ECEL1: variants seen among roughly 807,000 people sequenced by gnomAD.
The protein encoded by ECEL1 is endothelin-converting enzyme-like 1.
A neutral mutation model predicts 101.8 loss-of-function variants in ECEL1; 87 were observed. That is an observed-to-expected ratio of 0.85 (90% CI 0.72 to 1.02). The LOEUF (loss-of-function observed/expected upper bound fraction) is 1.02, where lower values mean the gene tolerates loss of function less well. Ranked by LOEUF, ECEL1 falls within the 50% of genes least tolerant of loss-of-function variation. The probability of loss-of-function intolerance (pLI) is 0.00; values close to 1 mark genes in which losing one functional copy is unlikely to be tolerated. For synonymous variants in ECEL1, 487 were observed against 468.7 expected (o/e 1.04, Z -0.50); for missense variants, 1,032 against 1,079.2 (o/e 0.96, Z 0.61).
rs969898123 is a variant in ECEL1, at chr2:232,481,993, T to C, written c.1797-144A>G. ...GGCATCCGTGCGGTCCAGGGGCACATGTGCCTCAGCTTCCTCATGCGCTAT... is the reference window on the plus strand; with the variant it reads ...GGCATCCGTGCGGTCCAGGGGCACACGTGCCTCAGCTTCCTCATGCGCTAT... On this transcript the variant is annotated intron_variant, in intron 12 of 17. Transcript: ENST00000304546. 1.1e-5 allele frequency: 11 copies of C among 1,020,628 alleles called. No homozygotes were observed. In the African/African-American group the frequency reaches 1.3e-4, roughly 12 times the overall value. 63.2% of individuals were successfully genotyped at this position (1,020,628 alleles called of 1,614,324 possible).
Position 232,480,100 on chromosome 2 carries a change from G to T in ECEL1, c.*53C>A. On this transcript the variant is annotated 3_prime_UTR_variant, in exon 18 of 18. Coordinates refer to ENST00000304546, the MANE Select transcript of ECEL1 (RefSeq NM_004826.4). ...GGGTGCATGCCTGCCCCGGTAGCCA[G>T]CAGGAGGTGATTCGTGCGGGGGCAG... 1 of 1,572,918 alleles carries T rather than the reference G, an allele frequency of 6.4e-7. No homozygotes were observed. Among genetic ancestry groups the T allele is most frequent in the Non-Finnish European group, 8.7e-7 (1 of 1,147,216 alleles).
At chr2:232,480,677 C>G in intron 16 of ECEL1, 41 bp downstream of exon 16, 1 of 1,604,476 alleles carries the variant, frequency 6.2e-7, no homozygotes, top group Non-Finnish European at 8.5e-7. Context: ...ATGCCGTGTC[C>G]CCACCCCAAG....
intron 10 of ECEL1, 34 bp downstream of exon 10, chr2:232,482,817 T>A (rs777886260): frequency 1.9e-6 from 3 of 1,610,690 alleles, no homozygotes; most frequent in East Asian, 4.5e-5. Flanking sequence ...CCCACAACCC[T>A]TCCCTGACCC....
At chr2:232,485,157 G>A in intron 3 of ECEL1, 42 bp downstream of exon 3, 1 of 1,612,574 alleles carries the variant, frequency 6.2e-7, no homozygotes, top group Non-Finnish European at 8.5e-7. Context: ...CCCCTCCTGG[G>A]GCCCCAGGCC....
At chr2:232,481,410 T>C in intron 14 of ECEL1, 96 bp downstream of exon 14, 1 of 1,516,008 alleles carries the variant, frequency 6.6e-7, no homozygotes, top group East Asian at 2.5e-5. Flanking sequence ...GCACAGGTTT[T>C]GTTTGGACAT....
rs768034566 is a variant in ECEL1, at chr2:232,484,803, G to C, written c.1057C>G (p.His353Asp). 2 of 1,613,492 alleles carry C rather than the reference G, an allele frequency of 1.2e-6. No individual in the cohort carries two copies. The highest frequency in any genetic ancestry group is 2.2e-5 in the East Asian group (1 of 44,892). The change falls in exon 5 of 18, where the codon CAC (histidine) becomes GAC (aspartate). Residue 353 changes from histidine to aspartate, a missense_variant and splice_region_variant. Physicochemically the swap from His to Asp is moderately conservative, Grantham distance 81. Transcript: ENST00000304546. ...CACGAGGACTGGGCCACACTCACGT[G>C]GGGGGTGATCTTCTGCAGCTGCCCC... ...TLGQLQKITP[H>D]LRWKWLLDQI... is the part of the protein sequence containing the mutation.
intron 16 of ECEL1, 68 bp from the exon 17 acceptor site, chr2:232,480,543 C>T (rs1037070041): frequency 6.3e-7 from 1 of 1,590,386 alleles, no homozygotes; most frequent in Non-Finnish European, 8.6e-7. Context: ...CCTTGCCCCC[C>T]ACCCAGCACA....
Position 232,486,763 on chromosome 2 carries a change from A to G in ECEL1, c.-101-9T>C. ...TGGCCCTGGGGCCGCAGCTGCGGGA[A>G]GGGCGGAAGCAGGCTCAGGAGGCGC... On this transcript the variant is annotated splice_polypyrimidine_tract_variant and intron_variant, in intron 1 of 17. Coordinates refer to ENST00000304546, the MANE Select transcript of ECEL1 (RefSeq NM_004826.4). 1 of 1,187,804 alleles carries G rather than the reference A, an allele frequency of 8.4e-7. No individual in the cohort carries two copies. The highest frequency in any genetic ancestry group is 1.1e-6 in the Non-Finnish European group (1 of 935,450). 73.6% of individuals were successfully genotyped at this position (1,187,804 alleles called of 1,614,324 possible).
At chr2:232,481,951 C>T (rs1436223538) in intron 12 of ECEL1, 102 bp from the exon 13 acceptor site, 3 of 1,529,282 alleles carry the variant, frequency 2.0e-6, no homozygotes, top group South Asian at 1.2e-5. Flanking sequence ...CAGGAGGTGG[C>T]ACAGGGAGGC....
rs200974563 is a variant in ECEL1 at position 232,482,529 on chromosome 2, C to T, written c.1744+21G>A. The T allele has an allele frequency of 1.9e-4, 300 of 1,613,982 alleles. No individual in the cohort carries two copies. The African/African-American group carries it at 3.5e-3, about 19-fold the overall frequency. ...CACTTTCGGACCCTGCCCCGCCCGGCGTAGGGACACATCCCCTTACCCATC... is the reference window on the plus strand; with the variant it reads ...CACTTTCGGACCCTGCCCCGCCCGGTGTAGGGACACATCCCCTTACCCATC... On this transcript the variant is annotated intron_variant, in intron 11 of 17. Coordinates refer to ENST00000304546, the MANE Select transcript of ECEL1 (RefSeq NM_004826.4).
chr2:232,483,886 C>T lies in ECEL1; in HGVS notation c.1407+115G>A, dbSNP rs543493244. ...GAATCGGCTGAGTACTTAGCAGGGC[C>T]TGGTCCCCCTGCCTGCAGGGGACAT... On this transcript the variant is annotated intron_variant, in intron 7 of 17. Transcript: ENST00000304546. The T allele has an allele frequency of 5.5e-4, 655 of 1,181,248 alleles. 3 individuals carry two copies. The highest frequency in any genetic ancestry group is 6.2e-4 in the Non-Finnish European group (514 of 830,842). 73.2% of individuals were successfully genotyped at this position (1,181,248 alleles called of 1,614,324 possible). A position where few individuals can be genotyped will look rare whatever the true frequency, so the allele number is the denominator to read the frequency against.
Position 232,486,594 on chromosome 2 carries a change from C to T in ECEL1, c.60G>A (p.Val20=). 1 of 1,466,798 alleles carries T rather than the reference C, an allele frequency of 6.8e-7. No homozygotes were observed. Among genetic ancestry groups the T allele is most frequent in the Non-Finnish European group, 9.0e-7 (1 of 1,115,240 alleles). The allele number at this position is 1,466,798 out of a possible 1,614,324, so 90.9% of individuals were successfully genotyped here. A position where few individuals can be genotyped will look rare whatever the true frequency, so the allele number is the denominator to read the frequency against. Residue 20 remains valine, a synonymous_variant, in exon 2 of 18, where the codon GTG becomes GTA. Coordinates refer to ENST00000304546, the MANE Select transcript of ECEL1 (RefSeq NM_004826.4). ...GCGCGCCCCCCGCGCCGCAGCGGCT[C>T]ACGTACTTGACCTCTTGGAACTCAT... The part of the protein sequence containing the change: ...HYDEFQEVKY[V]SRCGAGGARG...
intron 5 of ECEL1, 23 bp downstream of exon 5, chr2:232,484,778 C>T (rs770796255): frequency 6.2e-7 from 1 of 1,613,568 alleles, no homozygotes; most frequent in Non-Finnish European, 8.5e-7. Context: ...CCTGCCTGCC[C>T]ACGAGGACTG....
chr2:232,484,661 G>T (rs1427457544), intron 5 of ECEL1, 65 bp from the exon 6 acceptor site: 1 of 1,605,624 alleles, frequency 6.2e-7, no homozygotes, highest in East Asian at 2.2e-5. Context: ...ACAGGGAGGG[G>T]GCAGAGAGAG....
At chr2:232,483,550 C>A (rs921084727) in intron 7 of ECEL1, 36 bp from the exon 8 acceptor site, 1 of 1,561,246 alleles carries the variant, frequency 6.4e-7, no homozygotes, top group Non-Finnish European at 8.7e-7. Context: ...AGGGTCAACC[C>A]AGCAGCCTGG....
In ECEL1 at chr2:232,481,524, G is replaced by C. The variant is rs1174660801; in HGVS notation, c.1971C>G (p.Phe657Leu). 6.2e-7 allele frequency: 1 copy of C among 1,612,484 alleles called. No homozygotes were observed. Among genetic ancestry groups the C allele is most frequent in the Non-Finnish European group, 8.5e-7 (1 of 1,179,526 alleles). The change falls in exon 14 of 18, where the codon TTC becomes TTG. Residue 657 changes from phenylalanine (F) to leucine (L), a missense_variant. By Grantham distance (22) the Phe-to-Leu change is conservative (BLOSUM62 0). Transcript: ENST00000304546. ...AECIVRLYDN[F>L]TVYNQRVNGK... ...GTCTCACCCGCTGGTTGTAGACAGT[G>C]AAGTTGTCATAGAGACGGACGATGC...
Position 232,480,458 on chromosome 2 carries a change from C to T in ECEL1, c.2169G>A (p.Arg723=). The T allele has an allele frequency of 6.2e-7, 1 of 1,613,940 alleles. No homozygotes were observed. The highest frequency in any genetic ancestry group is 1.1e-5 in the South Asian group (1 of 91,078). ...IAFAQNWCIK[R]RSQSIYLQVL... is the part of the protein sequence containing the mutation. Reference sequence around the variant, plus strand: ...CCTGCAGGTAGATGGACTGCGACCGCCGCTTGATGCACCAGTTCTGGGTCC... The same window carrying T: ...CCTGCAGGTAGATGGACTGCGACCGTCGCTTGATGCACCAGTTCTGGGTCC... Residue 723 remains arginine (R), a synonymous_variant, in exon 17 of 18, where the codon CGG becomes CGA. Transcript: ENST00000304546.
chr2:232,481,214 C>T, intron 14 of ECEL1, 58 bp from the exon 15 acceptor site: 1 of 1,536,176 alleles, frequency 6.5e-7, no homozygotes, highest in African/African-American at 1.4e-5. Flanking sequence ...CTCCCTCAGG[C>T]ATTGATACCC....
chr2:232,481,295 C>A, intron 14 of ECEL1, 139 bp from the exon 15 acceptor site: 1 of 1,342,680 alleles, frequency 7.4e-7, no homozygotes, highest in Non-Finnish European at 1.0e-6. Context: ...GGGGCTCCAA[C>A]CCTACTCTTT....
Sources: allele counts gnomAD v4.1 joint callset, GRCh38; gene constraint gnomAD v4.1.1; transcripts MANE v1.5; gene names NCBI Gene and HGNC (gene_info 2026-07-23, HGNC 2026-07-21).